MYT1L: variants seen among roughly 807,000 people sequenced by gnomAD.
The protein encoded by MYT1L is myelin transcription factor 1 like, also known as myelin transcription factor 1-like protein.
A neutral mutation model predicts 126.7 loss-of-function variants in MYT1L; 12 were observed. That is an observed-to-expected ratio of 0.09 (90% CI 0.06 to 0.15). The LOEUF is 0.15. MYT1L is among the 10% of genes least tolerant of loss of function. MYT1L has a pLI of 1.00. For synonymous variants in MYT1L, 541 were observed against 604.2 expected (o/e 0.90, Z 1.53); for missense variants, 979 against 1,585.2 (o/e 0.62, Z 6.49).
At chr2:1,951,924 T>C (rs190788390) in intron 8 of MYT1L, among the ~76,000 whole-genome samples, 1 of 152,372 alleles carries the variant, frequency 6.6e-6, no homozygotes, top group East Asian at 1.9e-4. Flanking sequence ...GTTGAAATCA[T>C]TGAACTATGC....
intron 14 of MYT1L, among the ~76,000 whole-genome samples, chr2:1,892,936 A>G (rs912790172): frequency 1.3e-5 from 2 of 152,162 alleles, no homozygotes; most frequent in African/African-American, 4.8e-5. Context: ...GATACAGGCC[A>G]TGGGAGTGAA....
intron 3 of MYT1L, among the ~76,000 whole-genome samples, chr2:2,112,086 G>A (rs73911367): frequency 0.012 from 1,780 of 152,326 alleles, 38 homozygotes; most frequent in African/African-American, 0.037. Context: ...AGCGAGATGA[G>A]CCCAGAGCCC....
At chr2:1,898,645 G>A (rs894407888) in intron 14 of MYT1L, among the ~76,000 whole-genome samples, 4 of 152,248 alleles carry the variant, frequency 2.6e-5, no homozygotes, top group African/African-American at 7.2e-5. Flanking sequence ...TGGTACCCAA[G>A]AGGTGACACA....
chr2:2,213,529 G>A (rs558419317), intron 2 of MYT1L, among the ~76,000 whole-genome samples: 1 of 152,318 alleles, frequency 6.6e-6, no homozygotes, highest in Admixed American at 6.5e-5. Context: ...GGAGTGTGCA[G>A]TGCTGACCCA....
chr2:2,163,549 C>T (rs1575585404), intron 3 of MYT1L, among the ~76,000 whole-genome samples: 1 of 150,050 alleles, frequency 6.7e-6, no homozygotes, highest in Non-Finnish European at 1.5e-5. Flanking sequence ...CACGGTGAAA[C>T]CCCATCTCTA....
intron 1 of MYT1L, among the ~76,000 whole-genome samples, chr2:2,289,888 A>C (rs2095574293): frequency 1.3e-5 from 2 of 152,222 alleles, no homozygotes; most frequent in Non-Finnish European, 1.5e-5. Context: ...ACAGGGCTTC[A>C]CTTCAGCACT....
At position 2,031,787 on chromosome 2, in the gene MYT1L, G is replaced by A. The variant is rs529694605; in HGVS notation, c.-158+22191C>T. Among the ~76,000 whole-genome samples, 334 of 134,994 alleles carry A rather than the reference G, an allele frequency of 2.5e-3. 1 individual carries two copies. Among genetic ancestry groups the A allele is most frequent in the African/African-American group, 6.4e-3 (225 of 35,200 alleles). 88.6% of individuals were successfully genotyped at this position (134,994 alleles called of 152,430 possible). ...GGCCTTATACACACCCCTCGCCAGT[G>A]CCTCTCATCCTGTGGCCCAGAGCAG... On this transcript the variant is annotated intron_variant, in intron 4 of 24. Transcript: ENST00000647738.
chr2:1,902,037 T>G (rs771706158), intron 14 of MYT1L, among the ~76,000 whole-genome samples: 33 of 152,248 alleles, frequency 2.2e-4, no homozygotes, highest in Admixed American at 1.2e-3. Flanking sequence ...GAGAGCATCA[T>G]GATAAGACTT....
At chr2:2,238,409 G>A (rs1463249485) in intron 2 of MYT1L, among the ~76,000 whole-genome samples, 1 of 152,178 alleles carries the variant, frequency 6.6e-6, no homozygotes, top group Non-Finnish European at 1.5e-5. Flanking sequence ...TGGGGTCACT[G>A]GGTGCAGTTT....
intron 23 of MYT1L, among the ~76,000 whole-genome samples, chr2:1,797,812 C>T (rs2033906935): frequency 6.6e-6 from 1 of 152,238 alleles, no homozygotes; most frequent in East Asian, 1.9e-4. Context: ...GCAACCCCTT[C>T]CGCAGAGAGT....
intron 2 of MYT1L, among the ~76,000 whole-genome samples, chr2:2,239,172 C>T (rs901308741): frequency 6.6e-6 from 1 of 152,210 alleles, no homozygotes; most frequent in Non-Finnish European, 1.5e-5. Context: ...TAGAGCCACC[C>T]CCAGCTCCTC....
chr2:2,145,217 C>T (rs2084697453), intron 3 of MYT1L, among the ~76,000 whole-genome samples: 4 of 152,146 alleles, frequency 2.6e-5, no homozygotes, highest in South Asian at 2.1e-4. Flanking sequence ...TGTCTGTGTA[C>T]GACCTGAGCA....
intron 3 of MYT1L, among the ~76,000 whole-genome samples, chr2:2,153,559 T>C (rs1244538174): frequency 6.6e-6 from 1 of 152,000 alleles, no homozygotes; most frequent in Non-Finnish European, 1.5e-5. Flanking sequence ...GGGGGTGGGC[T>C]GGAAAGTGAG....
At chr2:2,125,643 TA>T (rs1312880586) in intron 3 of MYT1L, among the ~76,000 whole-genome samples, 1 of 151,904 alleles carries the variant, frequency 6.6e-6, no homozygotes, top group Non-Finnish European at 1.5e-5. Flanking sequence ...AATTAGGGAG[TA>T]ATTAGAAATA....
chr2:2,136,801 C>T (rs868470109), intron 3 of MYT1L, among the ~76,000 whole-genome samples: 1 of 152,176 alleles, frequency 6.6e-6, no homozygotes, highest in South Asian at 2.1e-4. Context: ...CCCTCTCTCA[C>T]CACTCCTATT....
At chr2:2,189,291 T>C (rs1362426073) in intron 2 of MYT1L, among the ~76,000 whole-genome samples, 3 of 152,212 alleles carry the variant, frequency 2.0e-5, no homozygotes, top group African/African-American at 7.2e-5. Flanking sequence ...AAAATGGGGT[T>C]CGTGAGCCTG....
intron 3 of MYT1L, among the ~76,000 whole-genome samples, chr2:2,065,133 G>C (rs1046551813): frequency 6.6e-6 from 1 of 152,118 alleles, no homozygotes; most frequent in Admixed American, 6.5e-5. Flanking sequence ...GGAAGATTGA[G>C]GCTGCCGTGA....
Position 1,801,874 on chromosome 2 carries a change from T to G in MYT1L, c.3173-75A>C, listed in dbSNP as rs1021133674. The G allele has an allele frequency of 1.1e-6, 1 of 883,332 alleles. No homozygotes were observed. Among genetic ancestry groups the G allele is most frequent in the Non-Finnish European group, 1.7e-6 (1 of 582,976 alleles). 54.7% of individuals were successfully genotyped at this position (883,332 alleles called of 1,614,324 possible). A position where few individuals can be genotyped will look rare whatever the true frequency, so the allele number is the denominator to read the frequency against. On this transcript the variant is annotated intron_variant, in intron 22 of 24. Transcript: ENST00000647738. The surrounding 1 kb of genome is among the most constrained non-coding windows in gnomAD (Gnocchi z 4.2). The stretch of plus-strand genomic sequence containing the variant: ...AGAGTTAGAATTTTGGGAGCTTTCT[T>G]TGTTCCTTTTATATTCGTAATTGAA...
intron 3 of MYT1L, among the ~76,000 whole-genome samples, chr2:2,172,484 G>A (rs566106090): frequency 1.3e-5 from 2 of 152,210 alleles, no homozygotes; most frequent in Non-Finnish European, 2.9e-5. Flanking sequence ...GAGAGGATGC[G>A]CAATGCAACT....
Sources: allele counts gnomAD v4.1 joint callset (sites outside exome capture counted in the v4.1 genomes callset), GRCh38; gene constraint gnomAD v4.1.1; non-coding constraint Gnocchi (gnomAD v3.1); transcripts MANE v1.5; gene names NCBI Gene and HGNC (gene_info 2026-07-23, HGNC 2026-07-21).